UBE2D2: variants seen among roughly 807,000 people sequenced by gnomAD.
UBE2D2 encodes ubiquitin-conjugating enzyme E2 D2.
In UBE2D2, 2 loss-of-function variants were observed where a neutral mutation model predicts 24.2. The observed-to-expected ratio is 0.08, with a 90% CI of 0.03 to 0.26. UBE2D2 has a LOEUF of 0.26. Among genes scored for constraint, UBE2D2 ranks in the 10% least tolerant of loss-of-function variants. UBE2D2 has a pLI of 1.00. For missense variants in UBE2D2, 44 were observed against 177.6 expected, an observed-to-expected ratio of 0.25 and a Z score of 4.28; for synonymous variants, 58 against 56.5, an observed-to-expected ratio of 1.03 and a Z score of -0.12.
intron 1 of UBE2D2, among the ~76,000 whole-genome samples, chr5:139,531,450 T>C (rs2126626389): frequency 6.6e-6 from 1 of 152,024 alleles, no homozygotes; most frequent in South Asian, 2.1e-4. Context: ...GGACAGAAAT[T>C]GTGCACTCGG....
chr5:139,603,769 A>G (rs1480000210), intron 2 of UBE2D2, among the ~76,000 whole-genome samples: 1 of 151,726 alleles, frequency 6.6e-6, no homozygotes, highest in Non-Finnish European at 1.5e-5. Flanking sequence ...CTCTGGTGAA[A>G]CCCCGTCTAC....
chr5:139,575,433 A>G (rs745908452), intron 1 of UBE2D2, among the ~76,000 whole-genome samples: 2 of 152,182 alleles, frequency 1.3e-5, no homozygotes, highest in South Asian at 2.1e-4. Flanking sequence ...CGTCACCCCA[A>G]GCAAAAAAAG....
At chr5:139,557,779 T>A (rs1168104299), upstream of UBE2D2, among the ~76,000 whole-genome samples, 13 of 151,964 alleles carry the variant, frequency 8.6e-5, no homozygotes, top group Admixed American at 8.5e-4. Flanking sequence ...CCAATATCCC[T>A]CATGAACACA....
intron 1 of UBE2D2, among the ~76,000 whole-genome samples, chr5:139,566,731 G>T (rs900950376): frequency 2.6e-5 from 4 of 152,168 alleles, no homozygotes; most frequent in East Asian, 1.9e-4. Context: ...AGCCAGGCAG[G>T]TACCAAAGTG....
upstream of UBE2D2, among the ~76,000 whole-genome samples, chr5:139,557,576 T>G (rs973566638): frequency 6.6e-6 from 1 of 151,924 alleles, no homozygotes; most frequent in African/African-American, 2.4e-5. Flanking sequence ...GGTGAAACCC[T>G]GTCTCTACTA....
At chr5:139,558,563 C>T (rs994948622), upstream of UBE2D2, among the ~76,000 whole-genome samples, 1 of 152,212 alleles carries the variant, frequency 6.6e-6, no homozygotes, top group Admixed American at 6.5e-5. Context: ...GTTGGGATTA[C>T]AGGCGTGAGC....
Position 139,602,169 on chromosome 5 carries a change from AGC to A in UBE2D2, c.88+1735_88+1736del, listed in dbSNP as rs376849087. Among the ~76,000 whole-genome samples the A allele has an allele frequency of 6.2e-3, 938 of 152,140 alleles. 16 individuals are homozygous for A. Among genetic ancestry groups the A allele is most frequent in the African/African-American group, 0.021 (867 of 41,550 alleles). ...TGGGTTCATGCCATTCTCCTGCCTC[AGC>A]CTTCCAAGTAGCTTGGATTACAGGC... On this transcript the variant is annotated intron_variant, in intron 2 of 6. Transcript: ENST00000398733.
chr5:139,596,915 T>C (rs543638554), intron 1 of UBE2D2, among the ~76,000 whole-genome samples: 1 of 151,774 alleles, frequency 6.6e-6, no homozygotes, highest in East Asian at 2.0e-4. Flanking sequence ...GGCGTGGTGG[T>C]GGGCACCTGT....
At chr5:139,581,015 G>A (rs1272182993) in intron 1 of UBE2D2, among the ~76,000 whole-genome samples, 2 of 152,122 alleles carry the variant, frequency 1.3e-5, no homozygotes, top group Non-Finnish European at 2.9e-5. Context: ...TTGAAATGGC[G>A]GAAAAGGGCT....
At chr5:139,562,418 G>A (rs1753128931) in intron 1 of UBE2D2, 4 of 1,302,170 alleles carry the variant, frequency 3.1e-6, no homozygotes, top group Non-Finnish European at 4.0e-6. Context: ...GTGACTTAAT[G>A]AGGGAGGAGG....
rs77784901 is a variant in UBE2D2, at chr5:139,572,287, A to T, written c.24+10472A>T. 5.8e-3 allele frequency among the ~76,000 whole-genome samples: 882 copies of T among 152,338 alleles called. 13 individuals carry two copies. The highest frequency in any genetic ancestry group is 0.018 in the African/African-American group (750 of 41,586). ...AGTACAAGCCAAAGTGTATGAAATC[A>T]TGCATACTTGTATTAAAATTGAGAG... is the stretch of plus-strand genomic sequence containing the variant. On this transcript the variant is annotated intron_variant, in intron 1 of 6. Transcript: ENST00000398733.
chr5:139,612,989 C>T (rs1298332082), intron 2 of UBE2D2, among the ~76,000 whole-genome samples: 2 of 152,092 alleles, frequency 1.3e-5, no homozygotes, highest in African/African-American at 4.8e-5. Context: ...ATACTAGGTC[C>T]AGTTTTAGTG....
intron 1 of UBE2D2, among the ~76,000 whole-genome samples, chr5:139,551,262 T>C (rs1036340144): frequency 6.6e-6 from 1 of 152,122 alleles, no homozygotes; most frequent in African/African-American, 2.4e-5. Context: ...AGGTCTTGAA[T>C]TGCTTCAACC....
In UBE2D2 at chr5:139,566,597, C is replaced by T. The variant is rs368060445; in HGVS notation, c.24+4782C>T. ...GGCTGAGGTGGGAGGATCTCGGGAG[C>T]CTGGGAGGTAGAGGCTGCAGTGAAC... On this transcript the variant is annotated intron_variant, in intron 1 of 6. Coordinates refer to ENST00000398733, the MANE Select transcript of UBE2D2 (RefSeq NM_003339.3). Among the ~76,000 whole-genome samples, 480 of 152,068 alleles carry T rather than the reference C, an allele frequency of 3.2e-3. 1 individual carries two copies. The highest frequency in any genetic ancestry group is 0.011 in the African/African-American group (459 of 41,478).
rs1753083400 is a variant in UBE2D2 at position 139,561,398 on chromosome 5, G to A, written c.-394G>A. ...GCGTCCCTCGGTCCACCTGCAGCAG[G>A]GAGGAAGACAGGCAATCCCTCCGGC... On this transcript the variant is annotated 5_prime_UTR_variant, in exon 1 of 7. Transcript: ENST00000398733. 1.6e-5 allele frequency: 3 copies of A among 186,784 alleles called. No homozygotes were observed. The highest frequency in any genetic ancestry group is 3.3e-5 in the Non-Finnish European group (3 of 90,642). The allele number at this position is 186,784 out of a possible 1,614,324, so 11.6% of individuals were successfully genotyped here.
At chr5:139,540,438 C>T (rs191594634) in intron 1 of UBE2D2, among the ~76,000 whole-genome samples, 93 of 149,798 alleles carry the variant, frequency 6.2e-4, no homozygotes, top group African/African-American at 2.2e-3. Flanking sequence ...CTCAGCTACT[C>T]GGGAGGCTGA....
At chr5:139,553,864 C>T (rs1041623819) in intron 1 of UBE2D2, among the ~76,000 whole-genome samples, 2 of 152,172 alleles carry the variant, frequency 1.3e-5, no homozygotes, top group African/African-American at 2.4e-5. Flanking sequence ...ACTGCAACCT[C>T]TGCCTCCCAG....
chr5:139,600,843 C>T (rs1346240589), intron 2 of UBE2D2, among the ~76,000 whole-genome samples: 1 of 152,158 alleles, frequency 6.6e-6, no homozygotes, highest in Non-Finnish European at 1.5e-5. Flanking sequence ...CTCTGTCAAG[C>T]CCGGGCTGGA....
intron 1 of UBE2D2, among the ~76,000 whole-genome samples, chr5:139,576,630 G>A (rs937332608): frequency 6.6e-6 from 1 of 151,940 alleles, no homozygotes; most frequent in Non-Finnish European, 1.5e-5. Flanking sequence ...GCCTTCCAAA[G>A]TGCTGGGATT....
Sources: gnomAD v4.1 joint callset for allele counts (sites outside exome capture counted in the v4.1 genomes callset) on GRCh38, gnomAD v4.1.1 for gene constraint, MANE v1.5 for transcripts, NCBI Gene and HGNC (gene_info 2026-07-23, HGNC 2026-07-21) for gene names.